The following SORCS3 variants were observed in gnomAD, a reference collection of about 807,000 sequenced individuals.
The protein encoded by SORCS3 is sortilin related VPS10 domain containing receptor 3, also known as VPS10 domain-containing receptor SorCS3.
Under a neutral mutation model 146.3 loss-of-function variants are expected in SORCS3, and 57 were observed. The ratio of observed to expected loss-of-function variants is 0.39; its 90% CI spans 0.31 to 0.49. The LOEUF (loss-of-function observed/expected upper bound fraction) is 0.49, where lower values mean the gene tolerates loss of function less well. SORCS3 is among the 20% of genes least tolerant of loss of function. The probability of loss-of-function intolerance (pLI) is 0.92; values close to 1 mark genes in which losing one functional copy is unlikely to be tolerated. For missense variants in SORCS3, 1,341 were observed against 1,575.5 expected (o/e 0.85, Z 2.52); for synonymous variants, 653 against 618.5 (o/e 1.06, Z -0.83).
intron 4 of SORCS3, among the ~76,000 whole-genome samples, chr10:105,042,654 A>G (rs1189920835): frequency 6.6e-6 from 1 of 152,154 alleles, no homozygotes; most frequent in Non-Finnish European, 1.5e-5. Flanking sequence ...CATTTAGATG[A>G]TCTATAGAGC....
intron 1 of SORCS3, among the ~76,000 whole-genome samples, chr10:104,653,067 A>C (rs1334406241): frequency 6.6e-6 from 1 of 152,230 alleles, no homozygotes; most frequent in Non-Finnish European, 1.5e-5. Flanking sequence ...TATTATCTGC[A>C]ACAAAATCTA....
chr10:104,778,208 T>A (rs1362322936), intron 1 of SORCS3, among the ~76,000 whole-genome samples: 1 of 152,204 alleles, frequency 6.6e-6, no homozygotes, highest in African/African-American at 2.4e-5. Context: ...TATCAAGATG[T>A]CATATGTACC....
At chr10:104,642,022 G>GGGGGGGGGGGGGGGGGGGCCCCCCC in intron 1 of SORCS3, 68 bp downstream of exon 1, 1 of 173,336 alleles carries the variant, frequency 5.8e-6, no homozygotes. Flanking sequence ...GGGTGGGTGG[G>GGGGGGGGGGGGGGGGGGGCCCCCCC]AGCGAGGGAC....
chr10:104,781,305 A>G (rs1193557890), intron 1 of SORCS3, among the ~76,000 whole-genome samples: 3 of 152,246 alleles, frequency 2.0e-5, no homozygotes, highest in African/African-American at 4.8e-5. Context: ...TTGTGATGCC[A>G]TGGCCAGGAC....
At chr10:105,030,264 T>C (rs1051102508) in intron 4 of SORCS3, among the ~76,000 whole-genome samples, 2 of 152,224 alleles carry the variant, frequency 1.3e-5, no homozygotes, top group African/African-American at 4.8e-5. Flanking sequence ...TCTGCGCTTA[T>C]TGTTAACTGT....
At chr10:104,858,779 G>A (rs1039554739) in intron 2 of SORCS3, among the ~76,000 whole-genome samples, 9 of 151,576 alleles carry the variant, frequency 5.9e-5, no homozygotes, top group African/African-American at 2.2e-4. Flanking sequence ...CCGCCACCAC[G>A]CCTGGCTAAT....
intron 1 of SORCS3, among the ~76,000 whole-genome samples, chr10:104,817,217 C>T (rs2017807435): frequency 6.6e-6 from 1 of 152,158 alleles, no homozygotes; most frequent in African/African-American, 2.4e-5. Flanking sequence ...GATTTCCTTT[C>T]CAGGAAATTA....
chr10:104,728,150 T>G (rs2016664474), intron 1 of SORCS3, among the ~76,000 whole-genome samples: 1 of 152,138 alleles, frequency 6.6e-6, no homozygotes. Flanking sequence ...AATCCACCAT[T>G]GTTGAACATT....
intron 3 of SORCS3, among the ~76,000 whole-genome samples, chr10:104,971,593 A>G (rs969836350): frequency 1.3e-5 from 2 of 152,178 alleles, no homozygotes; most frequent in Non-Finnish European, 1.5e-5. Flanking sequence ...AAATAGAAGC[A>G]TCTTCCAGGC....
chr10:105,191,949 C>T (rs1249300957), intron 14 of SORCS3, among the ~76,000 whole-genome samples: 2 of 152,138 alleles, frequency 1.3e-5, no homozygotes, highest in Non-Finnish European at 2.9e-5. Flanking sequence ...GTCTAGACTA[C>T]TTTCAAAGAG....
chr10:105,263,437 A>G lies in SORCS3; in HGVS notation c.*63A>G. 1 of 1,468,628 alleles carries G rather than the reference A, an allele frequency of 6.8e-7. No individual in the cohort carries two copies. The highest frequency in any genetic ancestry group is 9.5e-7 in the Non-Finnish European group (1 of 1,057,284). The allele number at this position is 1,468,628 out of a possible 1,614,324, so 91.0% of individuals were successfully genotyped here. On this transcript the variant is annotated 3_prime_UTR_variant, in exon 27 of 27. Coordinates refer to ENST00000369701, the MANE Select transcript of SORCS3 (RefSeq NM_014978.3). ...TTTATTTTTGATGATTACTATTACT[A>G]TTATTATGGAAAAATTAAAATGTCT...
intron 16 of SORCS3, among the ~76,000 whole-genome samples, chr10:105,206,477 C>T (rs1372101615): frequency 1.3e-5 from 2 of 152,132 alleles, no homozygotes; most frequent in Non-Finnish European, 2.9e-5. Flanking sequence ...AAAAAGATCA[C>T]TGAACTGAAG....
chr10:105,043,511 T>C (rs2133704784), intron 5 of SORCS3, among the ~76,000 whole-genome samples: 1 of 152,294 alleles, frequency 6.6e-6, no homozygotes, highest in African/African-American at 2.4e-5. Context: ...TAAAAAGCAG[T>C]ATTTTCCCAA....
chr10:105,117,772 T>C (rs1276944445), intron 7 of SORCS3, among the ~76,000 whole-genome samples: 1 of 152,234 alleles, frequency 6.6e-6, no homozygotes, highest in Non-Finnish European at 1.5e-5. Flanking sequence ...TGCCACTGCA[T>C]TGAAATTGCT....
At chr10:104,701,545 A>G (rs1480873899) in intron 1 of SORCS3, among the ~76,000 whole-genome samples, 2 of 152,216 alleles carry the variant, frequency 1.3e-5, no homozygotes, top group African/African-American at 4.8e-5. Context: ...CCAAGAAATC[A>G]TTTAATGAGA....
intron 1 of SORCS3, among the ~76,000 whole-genome samples, chr10:104,787,774 C>T (rs1201453893): frequency 6.6e-6 from 1 of 152,122 alleles, no homozygotes; most frequent in Non-Finnish European, 1.5e-5. Flanking sequence ...AGCCCGCTAC[C>T]CTGGCCCCGA....
At chr10:105,139,346 T>C in intron 7 of SORCS3, 51 bp from the exon 8 acceptor site, 3 of 1,356,110 alleles carry the variant, frequency 2.2e-6, no homozygotes, top group Middle Eastern at 1.8e-4. Flanking sequence ...TTCCAACTTG[T>C]GCATGATCTG....
rs1247008660 is a variant in SORCS3, at chr10:105,074,802, G to C, written c.1029-14973G>C. Among the ~76,000 whole-genome samples, 3 of 151,550 alleles carry C rather than the reference G, an allele frequency of 2.0e-5. No homozygotes were observed. The East Asian group carries it at 5.8e-4, about 29-fold the overall frequency. ...GGGCTGTCAGTGTAGACTCTGGTCA[G>C]GTCTGTCTACACCAATATCATGTAC... On this transcript the variant is annotated intron_variant, in intron 5 of 26. Coordinates refer to ENST00000369701, the MANE Select transcript of SORCS3 (RefSeq NM_014978.3).
chr10:104,999,655 T>A (rs1031763268), intron 4 of SORCS3, among the ~76,000 whole-genome samples: 2 of 152,178 alleles, frequency 1.3e-5, no homozygotes, highest in African/African-American at 4.8e-5. Flanking sequence ...AACCCTGATC[T>A]ACACCCCATC....
Sources: allele counts gnomAD v4.1 joint callset (sites outside exome capture counted in the v4.1 genomes callset), GRCh38; gene constraint gnomAD v4.1.1; transcripts MANE v1.5; gene names NCBI Gene and HGNC (gene_info 2026-07-23, HGNC 2026-07-21).